The following RAD51B variants were observed in gnomAD, a reference collection of about 807,000 sequenced individuals.
RAD51B encodes DNA repair protein RAD51 homolog 2.
In RAD51B, 38 loss-of-function variants were observed where a neutral mutation model predicts 42.2. The ratio of observed to expected loss-of-function variants is 0.90; its 90% CI spans 0.70 to 1.18. The LOEUF is 1.18. Ranked by LOEUF, RAD51B falls within the 50% of genes most tolerant of loss-of-function variation. RAD51B has a pLI of 0.00. For synonymous variants in RAD51B, 154 were observed against 145.2 expected, an observed-to-expected ratio of 1.06 and a Z score of -0.43; for missense variants, 373 against 400.7, an observed-to-expected ratio of 0.93 and a Z score of 0.59.
intron 5 of RAD51B, among the ~76,000 whole-genome samples, chr14:67,877,782 C>T (rs2042774484): frequency 6.6e-6 from 1 of 152,166 alleles, no homozygotes; most frequent in Non-Finnish European, 1.5e-5. Flanking sequence ...CTTGCTTTAG[C>T]CTCCCAAATA....
intron 7 of RAD51B, among the ~76,000 whole-genome samples, chr14:68,106,060 GA>G (rs1404666970): frequency 1.3e-5 from 2 of 151,858 alleles, no homozygotes; most frequent in Non-Finnish European, 2.9e-5. Context: ...AAAACTGCAG[GA>G]AATGAAAAAG....
At chr14:68,431,168 G>A (rs2084993733) in intron 9 of RAD51B, among the ~76,000 whole-genome samples, 1 of 152,152 alleles carries the variant, frequency 6.6e-6, no homozygotes, top group African/African-American at 2.4e-5. Flanking sequence ...TTTTATTGAG[G>A]ATTTTTGCAT....
intron 7 of RAD51B, among the ~76,000 whole-genome samples, chr14:68,091,163 C>T (rs1008586338): frequency 3.3e-5 from 5 of 152,134 alleles, no homozygotes; most frequent in East Asian, 1.9e-4. Context: ...AATAAACATA[C>T]GTTTGCATGT....
At chr14:68,155,359 T>C (rs912852012) in intron 7 of RAD51B, among the ~76,000 whole-genome samples, 6 of 151,532 alleles carry the variant, frequency 4.0e-5, no homozygotes, top group African/African-American at 1.5e-4. Flanking sequence ...GCCCAGCTAA[T>C]TTTTTGTATT....
At chr14:68,084,487 A>G (rs779476134) in intron 7 of RAD51B, among the ~76,000 whole-genome samples, 10 of 152,216 alleles carry the variant, frequency 6.6e-5, no homozygotes. Flanking sequence ...CTTGGGGGAC[A>G]AAATTGTCCC....
intron 7 of RAD51B, among the ~76,000 whole-genome samples, chr14:68,159,812 T>A (rs1320388146): frequency 1.3e-5 from 2 of 152,236 alleles, no homozygotes; most frequent in African/African-American, 4.8e-5. Context: ...GTCATGTGCT[T>A]TGTTGTCAAT....
intron 7 of RAD51B, among the ~76,000 whole-genome samples, chr14:68,211,714 C>T (rs1026412015): frequency 3.3e-5 from 5 of 152,124 alleles, no homozygotes; most frequent in South Asian, 2.1e-4. Context: ...CTGGCCTAGA[C>T]GTAAGTAATG....
chr14:68,427,121 A>G (rs2084870340), intron 9 of RAD51B, among the ~76,000 whole-genome samples: 1 of 152,226 alleles, frequency 6.6e-6, no homozygotes, highest in African/African-American at 2.4e-5. Context: ...GCCTCCACCT[A>G]GATTTGAAAG....
At chr14:68,448,013 A>C (rs751748858) in intron 9 of RAD51B, among the ~76,000 whole-genome samples, 7 of 152,248 alleles carry the variant, frequency 4.6e-5, no homozygotes, top group Non-Finnish European at 7.3e-5. Flanking sequence ...TAATTTTCAA[A>C]ATCTAGCTGG....
intron 9 of RAD51B, among the ~76,000 whole-genome samples, chr14:68,446,629 A>G (rs1266128424): frequency 6.6e-6 from 1 of 152,198 alleles, no homozygotes; most frequent in African/African-American, 2.4e-5. Context: ...AATTGGTAGG[A>G]TATAAGCCTG....
At chr14:68,287,762 G>T (rs2081440374) in intron 7 of RAD51B, among the ~76,000 whole-genome samples, 1 of 152,190 alleles carries the variant, frequency 6.6e-6, no homozygotes, top group African/African-American at 2.4e-5. Flanking sequence ...GGGTTTTATA[G>T]CTAAACAAGC....
intron 4 of RAD51B, among the ~76,000 whole-genome samples, chr14:67,845,965 C>A (rs1237922911): frequency 6.6e-6 from 1 of 152,162 alleles, no homozygotes; most frequent in Non-Finnish European, 1.5e-5. Flanking sequence ...ATTCAGGCCC[C>A]CAGCTTTGTT....
chr14:68,502,322 C>A (rs1884981272), intron 10 of RAD51B, among the ~76,000 whole-genome samples: 1 of 152,206 alleles, frequency 6.6e-6, no homozygotes, highest in South Asian at 2.1e-4. Flanking sequence ...TCAGGCTGCA[C>A]TCAGCCCCTA....
At chr14:68,557,352 C>T (rs1259355116) in intron 10 of RAD51B, among the ~76,000 whole-genome samples, 1 of 152,184 alleles carries the variant, frequency 6.6e-6, no homozygotes, top group East Asian at 1.9e-4. Context: ...AATCATCTAA[C>T]ACAAAGCCTA....
intron 7 of RAD51B, among the ~76,000 whole-genome samples, chr14:68,278,962 T>C (rs769531083): frequency 1.4e-4 from 21 of 152,172 alleles, no homozygotes; most frequent in Non-Finnish European, 1.8e-4. Context: ...TCCTAACAAA[T>C]GACCATTTCA....
At chr14:68,607,756 G>A (rs1441623954) in intron 10 of RAD51B, among the ~76,000 whole-genome samples, 6 of 152,296 alleles carry the variant, frequency 3.9e-5, no homozygotes, top group South Asian at 2.1e-4. Flanking sequence ...ACACAGCCCC[G>A]GGGAGGCGCA....
intron 7 of RAD51B, among the ~76,000 whole-genome samples, chr14:68,239,029 A>G (rs867430278): frequency 3.9e-5 from 6 of 152,336 alleles, no homozygotes; most frequent in African/African-American, 1.2e-4. Flanking sequence ...AAAATGACAA[A>G]TATTTATCAA....
At chr14:68,087,915 A>G in intron 7 of RAD51B, among the ~76,000 whole-genome samples, 1 of 120,192 alleles carries the variant, frequency 8.3e-6, no homozygotes, top group Middle Eastern at 3.9e-3. Flanking sequence ...TAATTATATA[A>G]TATATTATAT....
intron 7 of RAD51B, among the ~76,000 whole-genome samples, chr14:68,258,441 T>TCACA (rs1228964603): frequency 2.0e-5 from 3 of 151,008 alleles, no homozygotes; most frequent in African/African-American, 7.4e-5. Flanking sequence ...ACTCTCTCTC[T>TCACA]CTCACACACA....
Sources: allele counts gnomAD v4.1 joint callset (sites outside exome capture counted in the v4.1 genomes callset), GRCh38; gene constraint gnomAD v4.1.1; transcripts MANE v1.5; gene names NCBI Gene and HGNC (gene_info 2026-07-23, HGNC 2026-07-21).